DNAJC13: variants seen among roughly 807,000 people sequenced by gnomAD.
DNAJC13 encodes the protein dnaJ homolog subfamily C member 13.
Under a neutral mutation model 290.5 loss-of-function variants are expected in DNAJC13, and 75 were observed. The observed-to-expected ratio is 0.26, with a 90% CI of 0.21 to 0.31. DNAJC13 has a LOEUF of 0.31. Among genes scored for constraint, DNAJC13 ranks in the 10% least tolerant of loss-of-function variants. DNAJC13 has a pLI of 1.00. For synonymous variants in DNAJC13, 862 were observed against 892.0 expected (o/e 0.97, Z 0.60); for missense variants, 2,260 against 2,674.5 (o/e 0.85, Z 3.42).
intron 1 of DNAJC13, among the ~76,000 whole-genome samples, chr3:132,432,652 C>T (rs1025254596): frequency 6.6e-6 from 1 of 152,178 alleles, no homozygotes; most frequent in Non-Finnish European, 1.5e-5. Context: ...CATTAGCAGC[C>T]AGTTCCAACA....
intron 17 of DNAJC13, among the ~76,000 whole-genome samples, chr3:132,464,148 AC>A: frequency 6.6e-6 from 1 of 152,146 alleles, no homozygotes. Context: ...TATCCCTGTG[AC>A]CATCTTGCAT....
At chr3:132,438,863 C>T (rs1485857688) in intron 2 of DNAJC13, among the ~76,000 whole-genome samples, 1 of 152,058 alleles carries the variant, frequency 6.6e-6, no homozygotes, top group East Asian at 1.9e-4. Flanking sequence ...TATGTTTATT[C>T]TGGGAGGAGC....
intron 48 of DNAJC13, among the ~76,000 whole-genome samples, chr3:132,518,678 A>G (rs1935995992): frequency 6.6e-6 from 1 of 152,014 alleles, no homozygotes; most frequent in Non-Finnish European, 1.5e-5. Context: ...CCTTTTTGGT[A>G]ACAGTTTTCT....
At chr3:132,431,427 T>C (rs1249355135) in intron 1 of DNAJC13, among the ~76,000 whole-genome samples, 5 of 152,046 alleles carry the variant, frequency 3.3e-5, no homozygotes, top group Non-Finnish European at 1.5e-5. Flanking sequence ...TAAAACAAGA[T>C]GTTTAGGGTC....
At chr3:132,451,400 T>C (rs1461468457) in intron 6 of DNAJC13, among the ~76,000 whole-genome samples, 3 of 152,220 alleles carry the variant, frequency 2.0e-5, no homozygotes, top group African/African-American at 4.8e-5. Flanking sequence ...TGAGTATGCA[T>C]TGAAACTTCA....
intron 35 of DNAJC13, 83 bp downstream of exon 35, chr3:132,495,249 G>A (rs1935200235): frequency 2.8e-6 from 3 of 1,084,198 alleles, no homozygotes; most frequent in Non-Finnish European, 4.2e-6. Flanking sequence ...ATTACCTTCT[G>A]TGCCAGTATC....
At chr3:132,425,699 C>T (rs528747722) in intron 1 of DNAJC13, among the ~76,000 whole-genome samples, 3 of 152,148 alleles carry the variant, frequency 2.0e-5, no homozygotes, top group Non-Finnish European at 4.4e-5. Context: ...ATGCTAAATA[C>T]GTGCTTTAAA....
Position 132,491,066 on chromosome 3 carries a change from G to A in DNAJC13, c.3623+15G>A. 6.3e-7 allele frequency: 1 copy of A among 1,577,836 alleles called. No homozygotes were observed. Among genetic ancestry groups the A allele is most frequent in the Middle Eastern group, 1.7e-4 (1 of 5,878 alleles). On this transcript the variant is annotated intron_variant, in intron 32 of 55. Coordinates refer to ENST00000260818, the MANE Select transcript of DNAJC13 (RefSeq NM_015268.4). The stretch of plus-strand genomic sequence containing the variant: ...AGTGAAATGAGGTAAATAACCAGTT[G>A]ACTGATTGATTTGTATTTTATAATT...
intron 54 of DNAJC13, among the ~76,000 whole-genome samples, chr3:132,529,455 A>G (rs1018735732): frequency 1.3e-5 from 2 of 152,160 alleles, no homozygotes; most frequent in Non-Finnish European, 2.9e-5. Flanking sequence ...CATTTTTCAT[A>G]CCATTGTCAT....
At chr3:132,446,071 C>A (rs1464620540) in intron 2 of DNAJC13, among the ~76,000 whole-genome samples, 2 of 151,636 alleles carry the variant, frequency 1.3e-5, no homozygotes, top group Non-Finnish European at 2.9e-5. Context: ...CATAGCTTTT[C>A]CTTCCTTTCC....
intron 2 of DNAJC13, among the ~76,000 whole-genome samples, chr3:132,438,531 A>T (rs938468451): frequency 3.9e-5 from 6 of 152,202 alleles, no homozygotes; most frequent in African/African-American, 1.4e-4. Flanking sequence ...CAGTTTTAAG[A>T]GACTCCATGC....
At chr3:132,446,630 C>A in intron 3 of DNAJC13, 80 bp downstream of exon 3, 1 of 864,390 alleles carries the variant, frequency 1.2e-6, no homozygotes, top group South Asian at 1.7e-5. Flanking sequence ...ATTACCCTCC[C>A]TTAAATCAGT....
intron 20 of DNAJC13, among the ~76,000 whole-genome samples, chr3:132,470,601 T>C (rs1221285117): frequency 3.6e-5 from 5 of 140,680 alleles, no homozygotes; most frequent in African/African-American, 8.1e-5. Flanking sequence ...ACGGGGCGGC[T>C]GGCCGGGCGG....
In DNAJC13 at chr3:132,431,223, T is replaced by C. The variant is rs535321040; in HGVS notation, c.-13-3315T>C. 2.1e-4 allele frequency among the ~76,000 whole-genome samples: 32 copies of C among 152,352 alleles called. No homozygotes were observed. In the East Asian group the frequency reaches 6.0e-3, roughly 28 times the overall value. The stretch of plus-strand genomic sequence containing the variant: ...TTGTATCAGGCACTCTTGTGGCCTC[T>C]GTAGAAACAATAGTGAGCTGAACAG... On this transcript the variant is annotated intron_variant, in intron 1 of 55. Coordinates refer to ENST00000260818, the MANE Select transcript of DNAJC13 (RefSeq NM_015268.4).
chr3:132,479,175 C>G, intron 24 of DNAJC13, 52 bp from the exon 25 acceptor site: 1 of 1,215,408 alleles, frequency 8.2e-7, no homozygotes, highest in Non-Finnish European at 1.2e-6. Flanking sequence ...ATAGTAATAC[C>G]TTAATTTTTA....
intron 48 of DNAJC13, among the ~76,000 whole-genome samples, chr3:132,517,637 G>A (rs904317203): frequency 6.6e-6 from 1 of 152,008 alleles, no homozygotes; most frequent in Non-Finnish European, 1.5e-5. Context: ...CTGATATTTA[G>A]GGATCATTAT....
intron 55 of DNAJC13, among the ~76,000 whole-genome samples, chr3:132,534,732 T>G (rs1936539443): frequency 6.6e-6 from 1 of 152,220 alleles, no homozygotes; most frequent in Non-Finnish European, 1.5e-5. Flanking sequence ...AATTGTAGTA[T>G]ATAAGATGTC....
intron 19 of DNAJC13, among the ~76,000 whole-genome samples, chr3:132,466,878 A>T (rs1008676383): frequency 2.6e-5 from 4 of 152,292 alleles, no homozygotes; most frequent in Non-Finnish European, 5.9e-5. Flanking sequence ...ATGATACACT[A>T]CTATAATAAT....
At chr3:132,438,746 A>G (rs1932944785) in intron 2 of DNAJC13, among the ~76,000 whole-genome samples, 1 of 152,218 alleles carries the variant, frequency 6.6e-6, no homozygotes, top group African/African-American at 2.4e-5. Flanking sequence ...TAGCTGCTGA[A>G]TGCCTTTATT....
Sources: gnomAD v4.1 joint callset for allele counts (sites outside exome capture counted in the v4.1 genomes callset) on GRCh38, gnomAD v4.1.1 for gene constraint, MANE v1.5 for transcripts, NCBI Gene and HGNC (gene_info 2026-07-23, HGNC 2026-07-21) for gene names.